ADAMTS19: variants seen among roughly 807,000 people sequenced by gnomAD.
ADAMTS19 encodes the protein ADAM metallopeptidase with thrombospondin type 1 motif 19.
ADAMTS19 carries 93 observed loss-of-function variants against 153.3 expected under a neutral mutation model. The ratio of observed to expected loss-of-function variants is 0.61; its 90% CI spans 0.51 to 0.72. The LOEUF is 0.72. Ranked by LOEUF, ADAMTS19 falls within the 30% of genes least tolerant of loss-of-function variation. The probability of loss-of-function intolerance (pLI) is 0.00; values close to 1 mark genes in which losing one functional copy is unlikely to be tolerated. For missense variants in ADAMTS19, 1,482 were observed against 1,552.1 expected (o/e 0.95, Z 0.76); for synonymous variants, 600 against 556.6 (o/e 1.08, Z -1.10).
chr5:129,500,288 C>T (rs1751055169), intron 2 of ADAMTS19: 1 of 152,170 alleles, frequency 6.6e-6, no homozygotes, highest in Non-Finnish European at 1.5e-5. Flanking sequence ...TTCTCTGGCT[C>T]CTCTAGCATT....
intron 18 of ADAMTS19, among the ~76,000 whole-genome samples, chr5:129,687,753 A>G (rs995342795): frequency 3.9e-5 from 6 of 152,204 alleles, no homozygotes; most frequent in Admixed American, 6.5e-5. Flanking sequence ...TACTGCCTTC[A>G]TGAATGGCTC....
intron 8 of ADAMTS19, among the ~76,000 whole-genome samples, chr5:129,619,805 G>A (rs1400676081): frequency 1.3e-5 from 2 of 152,028 alleles, no homozygotes; most frequent in African/African-American, 4.8e-5. Context: ...TTAGAAGGTA[G>A]AGTTGGCAAG....
At chr5:129,469,509 A>C (rs1297083142) in intron 2 of ADAMTS19, among the ~76,000 whole-genome samples, 1 of 152,152 alleles carries the variant, frequency 6.6e-6, no homozygotes, top group Admixed American at 6.5e-5. Context: ...AAATATGCTT[A>C]CCCTTCTTTT....
chr5:129,490,441 T>C (rs1004831819), intron 2 of ADAMTS19, among the ~76,000 whole-genome samples: 6 of 152,160 alleles, frequency 3.9e-5, no homozygotes, highest in Admixed American at 2.0e-4. Context: ...GAAAAGAATA[T>C]GCATTGGTAG....
chr5:129,531,076 GTAAAATA>G (rs201497483), intron 6 of ADAMTS19, among the ~76,000 whole-genome samples: 28,245 of 152,002 alleles, frequency 0.19, 3,150 homozygotes, highest in African/African-American at 0.3. Context: ...AAGAATTTTA[GTAAAATA>G]TGTGTACAAC....
chr5:129,529,559 T>A (rs747442057), intron 6 of ADAMTS19, among the ~76,000 whole-genome samples: 3 of 152,118 alleles, frequency 2.0e-5, no homozygotes, highest in Non-Finnish European at 4.4e-5. Flanking sequence ...CTTTTAGTCA[T>A]TGGAGAATGA....
At chr5:129,727,798 C>T (rs1462313194) in intron 21 of ADAMTS19, among the ~76,000 whole-genome samples, 1 of 152,114 alleles carries the variant, frequency 6.6e-6, no homozygotes, top group African/African-American at 2.4e-5. Context: ...GCTTCTTTCT[C>T]TTAGCATTGA....
At chr5:129,665,436 C>A in intron 15 of ADAMTS19, 63 bp from the exon 16 acceptor site, 4 of 1,366,692 alleles carry the variant, frequency 2.9e-6, no homozygotes, top group South Asian at 1.4e-5. Flanking sequence ...AAAGGCAAGT[C>A]AATGAAGAAA....
chr5:129,531,575 A>C, intron 6 of ADAMTS19, among the ~76,000 whole-genome samples: 1 of 152,198 alleles, frequency 6.6e-6, no homozygotes, highest in East Asian at 1.9e-4. Context: ...CAGTGAGCCA[A>C]GATTGCGCTA....
chr5:129,685,831 CA>C (rs1185330901), intron 18 of ADAMTS19, among the ~76,000 whole-genome samples: 1 of 151,956 alleles, frequency 6.6e-6, no homozygotes, highest in Non-Finnish European at 1.5e-5. Context: ...AAGGAGAGAG[CA>C]AAAAAATTGC....
chr5:129,569,015 AAGG>A (rs1227208321), intron 7 of ADAMTS19, among the ~76,000 whole-genome samples: 1 of 152,130 alleles, frequency 6.6e-6, no homozygotes, highest in East Asian at 1.9e-4. Flanking sequence ...CGCCAAATAA[AAGG>A]AGTTCTTCAG....
At chr5:129,557,041 G>T (rs1045438146) in intron 7 of ADAMTS19, among the ~76,000 whole-genome samples, 1 of 152,080 alleles carries the variant, frequency 6.6e-6, no homozygotes, top group African/African-American at 2.4e-5. Context: ...AAAGAATAAA[G>T]AAACGTGGTG....
chr5:129,601,331 C>T lies in ADAMTS19; in HGVS notation c.1478+4667C>T, dbSNP rs537335128. Among the ~76,000 whole-genome samples, 182 of 152,088 alleles carry T rather than the reference C, an allele frequency of 1.2e-3. 1 individual carries two copies. Among genetic ancestry groups the T allele is most frequent in the African/African-American group, 4.2e-3 (174 of 41,468 alleles). On this transcript the variant is annotated intron_variant, in intron 8 of 22. Transcript: ENST00000274487. ...TTGTGAATGAAAATACTTAGTTTTTCATGAATTTGATGTTTTATTGAATTC... is the reference window on the plus strand; with the variant it reads ...TTGTGAATGAAAATACTTAGTTTTTTATGAATTTGATGTTTTATTGAATTC...
At chr5:129,581,331 A>C in intron 7 of ADAMTS19, among the ~76,000 whole-genome samples, 1 of 151,132 alleles carries the variant, frequency 6.6e-6, no homozygotes, top group Admixed American at 6.6e-5. Flanking sequence ...TAGTCTTGGG[A>C]GGGTGTATGT....
At chr5:129,468,231 G>A (rs1290986778) in intron 2 of ADAMTS19, among the ~76,000 whole-genome samples, 1 of 152,142 alleles carries the variant, frequency 6.6e-6, no homozygotes, top group Non-Finnish European at 1.5e-5. Flanking sequence ...CCATAGAGAT[G>A]GTGCTACTTT....
Position 129,461,334 on chromosome 5 carries a change from G to C in ADAMTS19, c.324G>C (p.Arg108=). The C allele has an allele frequency of 2.2e-6, 3 of 1,333,458 alleles. No homozygotes were observed. The highest frequency in any genetic ancestry group is 2.9e-6 in the Non-Finnish European group (3 of 1,051,130). 82.6% of individuals were successfully genotyped at this position (1,333,458 alleles called of 1,614,324 possible). A position where few individuals can be genotyped will look rare whatever the true frequency, so the allele number is the denominator to read the frequency against. Residue 108 remains arginine (R), a synonymous_variant, in exon 2 of 23, where the codon CGG becomes CGC. Transcript: ENST00000274487. The surrounding 1 kb of genome is among the most constrained non-coding windows in gnomAD (Gnocchi z 4.6). ...CCGTGGAGGGCCGATCAGAGTCCCG[G>C]CTCCGGCCCCCGCCGCCGTCGGAGG... ...EEPVEGRSES[R]LRPPPPSEGE... is the part of the protein sequence containing the mutation.
intron 11 of ADAMTS19, among the ~76,000 whole-genome samples, chr5:129,643,382 A>AAAAAAG (rs1554101887): frequency 3.6e-4 from 51 of 142,768 alleles, no homozygotes; most frequent in African/African-American, 8.3e-4. Context: ...AAAAAAAAAA[A>AAAAAAG]AAAAGAAAAA....
At chr5:129,696,949 C>T (rs1193305721) in intron 19 of ADAMTS19, among the ~76,000 whole-genome samples, 8 of 152,112 alleles carry the variant, frequency 5.3e-5, no homozygotes, top group Non-Finnish European at 8.8e-5. Context: ...GTGCTGGACT[C>T]TCAGCCAATC....
intron 6 of ADAMTS19, among the ~76,000 whole-genome samples, chr5:129,537,635 A>T (rs984975133): frequency 3.9e-5 from 6 of 152,148 alleles, no homozygotes; most frequent in Non-Finnish European, 8.8e-5. Context: ...AGGGACATGG[A>T]TGAAGCTGGA....
Sources: allele counts gnomAD v4.1 joint callset (sites outside exome capture counted in the v4.1 genomes callset), GRCh38; gene constraint gnomAD v4.1.1; non-coding constraint Gnocchi (gnomAD v3.1); transcripts MANE v1.5; gene names NCBI Gene and HGNC (gene_info 2026-07-23, HGNC 2026-07-21).